The following TOP6BL variants were observed in gnomAD, a reference collection of about 807,000 sequenced individuals.
TOP6BL encodes the protein type 2 DNA topoisomerase 6 subunit B-like.
chr11:66,833,040 CTTTTTTTTTTTTTT>C, the TOP6BL span, among the ~76,000 whole-genome samples: 5 of 117,266 alleles, frequency 4.3e-5, no homozygotes, highest in African/African-American at 1.3e-4. Flanking sequence ...ATCTTTCTGC[CTTTTTTTTTTTTTT>C]TTTTTTTTTT....
chr11:66,750,905 A>G, the TOP6BL span, among the ~76,000 whole-genome samples: 1 of 148,698 alleles, frequency 6.7e-6, no homozygotes, highest in African/African-American at 2.5e-5. Context: ...GTCTCTTGCT[A>G]TGTTGCCCAG....
the TOP6BL span, among the ~76,000 whole-genome samples, chr11:66,782,340 A>G: frequency 6.6e-6 from 1 of 152,200 alleles, no homozygotes; most frequent in Non-Finnish European, 1.5e-5. Context: ...TCAACTCCAT[A>G]GCACCTGCTC....
the TOP6BL span, among the ~76,000 whole-genome samples, chr11:66,817,155 G>GAAATAAAATAAAATAAAATAAAATA: frequency 6.2e-3 from 936 of 151,620 alleles, 16 homozygotes; most frequent in African/African-American, 0.021. Flanking sequence ...TCTGTCTCAA[G>GAAATAAAATAAAATAAAATAAAATA]AAATAAAATA....
the TOP6BL span, among the ~76,000 whole-genome samples, chr11:66,764,216 G>A: frequency 5.9e-5 from 9 of 152,088 alleles, no homozygotes; most frequent in African/African-American, 2.2e-4. Flanking sequence ...CAAGAATCAT[G>A]GGCTGACTGC....
At chr11:66,793,567 C>T in the TOP6BL span, among the ~76,000 whole-genome samples, 3 of 150,824 alleles carry the variant, frequency 2.0e-5, no homozygotes, top group Admixed American at 6.6e-5. Context: ...GCCTCAGCCT[C>T]CCGAGTAGCT....
chr11:66,812,968 C>T, the TOP6BL span, among the ~76,000 whole-genome samples: 7 of 152,124 alleles, frequency 4.6e-5, no homozygotes, highest in African/African-American at 1.7e-4. Context: ...CCCTGGGTTA[C>T]AGGTAGGGTG....
chr11:66,749,135 C>T, the TOP6BL span, among the ~76,000 whole-genome samples: 1 of 152,028 alleles, frequency 6.6e-6, no homozygotes, highest in Non-Finnish European at 1.5e-5. Flanking sequence ...AGAGAAGTCA[C>T]TTGGGCACCA....
chr11:66,765,796 G>A, the TOP6BL span, among the ~76,000 whole-genome samples: 1 of 152,306 alleles, frequency 6.6e-6, no homozygotes, highest in Middle Eastern at 3.4e-3. Context: ...GATTACAGGC[G>A]TAAGCCACTG....
At chr11:66,814,596 C>T in the TOP6BL span, among the ~76,000 whole-genome samples, 2 of 152,190 alleles carry the variant, frequency 1.3e-5, no homozygotes, top group African/African-American at 4.8e-5. Flanking sequence ...TCTCCTCTTA[C>T]TTCCTCTGCT....
chr11:66,825,929 CCT>C, the TOP6BL span, among the ~76,000 whole-genome samples: 303 of 152,122 alleles, frequency 2.0e-3, 2 homozygotes, highest in African/African-American at 6.8e-3. Context: ...GCAAGCTCCG[CCT>C]CTCAGGTTCA....
chr11:66,745,314 T>TGGGGGGGGGGGGGGGG, the TOP6BL span, among the ~76,000 whole-genome samples: 3 of 111,044 alleles, frequency 2.7e-5, no homozygotes, highest in Admixed American at 9.5e-5. Context: ...CGGGGCGGGG[T>TGGGGGGGGGGGGGGGG]GGGGGGAGTC....
At chr11:66,795,529 T>C in the TOP6BL span, among the ~76,000 whole-genome samples, 3 of 152,110 alleles carry the variant, frequency 2.0e-5, no homozygotes, top group African/African-American at 7.2e-5. Flanking sequence ...CTCGAACTCC[T>C]GACCTCAGGT....
chr11:66,744,916 C>T, the TOP6BL span: 7 of 1,257,490 alleles, frequency 5.6e-6, no homozygotes, highest in Non-Finnish European at 7.0e-6. Flanking sequence ...TGGCCGTGTT[C>T]GAGGTGATGC....
the TOP6BL span, among the ~76,000 whole-genome samples, chr11:66,763,991 T>G: frequency 1.3e-5 from 2 of 152,202 alleles, no homozygotes; most frequent in Non-Finnish European, 2.9e-5. Context: ...GATAATTTAT[T>G]GAGCATTTAC....
At chr11:66,795,910 A>G in the TOP6BL span, 1 of 159,250 alleles carries the variant, frequency 6.3e-6, no homozygotes, top group Non-Finnish European at 1.4e-5. Context: ...ATTTCTTTCT[A>G]AAAAAGCATA....
chr11:66,810,625 A>G, the TOP6BL span, among the ~76,000 whole-genome samples: 2 of 152,146 alleles, frequency 1.3e-5, no homozygotes, highest in East Asian at 3.8e-4. Context: ...GGAACAGTCA[A>G]TTATGTATTT....
At chr11:66,758,072 A>G in the TOP6BL span, 2 of 893,742 alleles carry the variant, frequency 2.2e-6, no homozygotes, top group Middle Eastern at 5.7e-4. Flanking sequence ...ATTGGTTCCT[A>G]TGGCAATGAT....
the TOP6BL span, among the ~76,000 whole-genome samples, chr11:66,824,904 CAT>C: frequency 3.9e-5 from 6 of 152,002 alleles, no homozygotes; most frequent in East Asian, 1.9e-4. Flanking sequence ...CCGCAATAAA[CAT>C]ATGTGTGCAT....
chr11:66,762,034 C>T, the TOP6BL span: 7 of 1,467,160 alleles, frequency 4.8e-6, no homozygotes, highest in Admixed American at 3.4e-5. Context: ...GTGATTTTTT[C>T]CCCCCAGCAA....
Sources: allele counts gnomAD v4.1 joint callset (sites outside exome capture counted in the v4.1 genomes callset), GRCh38; gene constraint gnomAD v4.1.1; transcripts MANE v1.5; gene names NCBI Gene and HGNC (gene_info 2026-07-23, HGNC 2026-07-21).